The following XPO6 variants were observed in gnomAD, a reference collection of about 807,000 sequenced individuals.
XPO6 encodes the protein exportin-6.
In XPO6, 3 loss-of-function variants were observed where a neutral mutation model predicts 130.0. The observed-to-expected ratio is 0.02, with a 90% CI of 0.01 to 0.06. The LOEUF (loss-of-function observed/expected upper bound fraction) is 0.06. Ranked by LOEUF, XPO6 falls within the 10% of genes least tolerant of loss-of-function variation. XPO6 has a pLI of 1.00. For missense variants in XPO6, 970 were observed against 1,393.0 expected, an observed-to-expected ratio of 0.70 and a Z score of 4.83; for synonymous variants, 524 against 548.9, an observed-to-expected ratio of 0.95 and a Z score of 0.63.
intron 4 of XPO6, among the ~76,000 whole-genome samples, chr16:28,173,948 G>A (rs1220950434): frequency 6.6e-6 from 1 of 152,120 alleles, no homozygotes; most frequent in Non-Finnish European, 1.5e-5. Context: ...GTGACTCTCC[G>A]TCTCAAGGTC....
intron 1 of XPO6, among the ~76,000 whole-genome samples, chr16:28,211,082 A>G (rs1255217772): frequency 6.6e-6 from 1 of 152,220 alleles, no homozygotes; most frequent in African/African-American, 2.4e-5. Flanking sequence ...TAAGCCCTCA[A>G]TAAACGATAG....
intron 1 of XPO6, among the ~76,000 whole-genome samples, chr16:28,191,044 G>T (rs776655251): frequency 6.6e-6 from 1 of 152,096 alleles, no homozygotes; most frequent in South Asian, 2.1e-4. Flanking sequence ...TCCACTGGCC[G>T]GTACCCTCTA....
At chr16:28,134,326 A>T (rs2042733853) in intron 10 of XPO6, among the ~76,000 whole-genome samples, 1 of 152,182 alleles carries the variant, frequency 6.6e-6, no homozygotes, top group Admixed American at 6.5e-5. Context: ...CAGCAAACGC[A>T]TCCCCTGGTG....
chr16:28,184,593 A>C (rs1248155865), intron 1 of XPO6, among the ~76,000 whole-genome samples: 1 of 151,784 alleles, frequency 6.6e-6, no homozygotes, highest in East Asian at 1.9e-4. Context: ...AACTTCAACA[A>C]ATCAGTAAAA....
chr16:28,110,046 A>T (rs1343098837), intron 17 of XPO6, among the ~76,000 whole-genome samples: 2 of 150,118 alleles, frequency 1.3e-5, no homozygotes, highest in Non-Finnish European at 3.0e-5. Flanking sequence ...TAGGTTTGGA[A>T]TTTTTTTTTT....
chr16:28,167,983 T>G (rs548726676), intron 5 of XPO6, among the ~76,000 whole-genome samples: 18 of 152,234 alleles, frequency 1.2e-4, no homozygotes, highest in African/African-American at 4.3e-4. Context: ...CTTCTTTTTA[T>G]AGTGATGACA....
rs1047740659 is a variant in XPO6, at chr16:28,147,406, GA to G, written c.1225-1204del. Among the ~76,000 whole-genome samples the G allele has an allele frequency of 1.2e-3, 180 of 145,992 alleles. 2 individuals carry two copies. The highest frequency in any genetic ancestry group is 3.9e-4 in the Non-Finnish European group (26 of 66,492). ...AGTGAGACTCGGTGTGTATATTTTA[GA>G]AAAAAAATTAAAATAGGAAAGGAAA... On this transcript the variant is annotated intron_variant, in intron 8 of 23. Transcript: ENST00000304658.
At chr16:28,130,998 G>A (rs574356871) in intron 12 of XPO6, among the ~76,000 whole-genome samples, 5 of 152,118 alleles carry the variant, frequency 3.3e-5, no homozygotes, top group Non-Finnish European at 1.5e-5. Flanking sequence ...AATTTGAATA[G>A]TGGTCCTGAA....
At chr16:28,134,425 C>T (rs2042736720) in intron 10 of XPO6, among the ~76,000 whole-genome samples, 1 of 152,210 alleles carries the variant, frequency 6.6e-6, no homozygotes, top group Non-Finnish European at 1.5e-5. Context: ...GATTCTTATC[C>T]ATGGTGACAT....
At chr16:28,162,015 T>C (rs1457975316) in intron 6 of XPO6, among the ~76,000 whole-genome samples, 1 of 152,218 alleles carries the variant, frequency 6.6e-6, no homozygotes, top group African/African-American at 2.4e-5. Context: ...AATAATAGCA[T>C]GTGTATACCA....
Position 28,106,009 on chromosome 16 carries a change from G to C in XPO6, c.2784+34C>G. The C allele has an allele frequency of 2.5e-6, 4 of 1,591,042 alleles. No homozygotes were observed. Among genetic ancestry groups the C allele is most frequent in the Non-Finnish European group, 3.4e-6 (4 of 1,163,148 alleles). ...CATTCCCTTCCCAATCTGGAGATGG[G>C]GGGTGCTGCACAGGGGACCGTCTGA... On this transcript the variant is annotated intron_variant, in intron 20 of 23. Coordinates refer to ENST00000304658, the MANE Select transcript of XPO6 (RefSeq NM_015171.4). The surrounding 1 kb of genome is among the most constrained non-coding windows in gnomAD (Gnocchi z 4.2).
chr16:28,126,071 G>GT lies in XPO6; in HGVS notation c.1607-224dup, dbSNP rs148327205. Among the ~76,000 whole-genome samples the GT allele has an allele frequency of 4.3e-3, 658 of 152,340 alleles. 22 individuals carry two copies. In the East Asian group the frequency reaches 0.082, roughly 19 times the overall value. On this transcript the variant is annotated intron_variant, in intron 12 of 23. Coordinates refer to ENST00000304658, the MANE Select transcript of XPO6 (RefSeq NM_015171.4). ...TCCAGAGTCCAGGGACAGAGACAGA[G>GT]TTGTGGGAAGGGGCAGACAGCCTGG... is the stretch of plus-strand genomic sequence containing the variant.
At chr16:28,166,230 G>A (rs1210663035) in intron 6 of XPO6, among the ~76,000 whole-genome samples, 2 of 152,118 alleles carry the variant, frequency 1.3e-5, no homozygotes, top group South Asian at 2.1e-4. Context: ...GACGTTTCAA[G>A]CCCAAAGGCT....
At chr16:28,179,647 T>C (rs1218484633) in intron 2 of XPO6, among the ~76,000 whole-genome samples, 1 of 152,242 alleles carries the variant, frequency 6.6e-6, no homozygotes, top group Non-Finnish European at 1.5e-5. Context: ...GATTTACCTT[T>C]GCTGGAGGGT....
At chr16:28,151,087 C>T (rs553287696) in intron 8 of XPO6, among the ~76,000 whole-genome samples, 2 of 150,350 alleles carry the variant, frequency 1.3e-5, no homozygotes, top group South Asian at 4.2e-4. Flanking sequence ...GACAGCTTTC[C>T]CAACAAACCC....
At chr16:28,190,683 G>A (rs1322385147) in intron 1 of XPO6, among the ~76,000 whole-genome samples, 1 of 152,184 alleles carries the variant, frequency 6.6e-6, no homozygotes, top group Admixed American at 6.5e-5. Context: ...TAGTAGGTTA[G>A]ATCAAAGTAC....
intron 6 of XPO6, among the ~76,000 whole-genome samples, chr16:28,162,954 C>A (rs991072515): frequency 1.3e-5 from 2 of 152,170 alleles, no homozygotes; most frequent in African/African-American, 4.8e-5. Context: ...CCAACCTCAG[C>A]ACTACTGGCA....
chr16:28,100,057 C>T (rs1219611774), intron 23 of XPO6, among the ~76,000 whole-genome samples: 3 of 152,072 alleles, frequency 2.0e-5, no homozygotes, highest in African/African-American at 4.8e-5. Flanking sequence ...GCACAACCTC[C>T]GCTCACTGCA....
At position 28,106,311 on chromosome 16, in the gene XPO6, G is replaced by C; in HGVS notation, c.2612+72C>G. The C allele has an allele frequency of 1.2e-6, 2 of 1,606,698 alleles. No homozygotes were observed. The highest frequency in any genetic ancestry group is 1.7e-5 in the Admixed American group (1 of 59,738). On this transcript the variant is annotated intron_variant, in intron 19 of 23. Transcript: ENST00000304658. This position sits in a 1 kb window ranked among gnomAD's most constrained non-coding sequence, Gnocchi z 4.2. ...GGCAAGTGCAGAACAGGAGCAAAAA[G>C]CCACACTTTGTCGCCAGACCCACCA...
Sources: allele counts gnomAD v4.1 joint callset (sites outside exome capture counted in the v4.1 genomes callset), GRCh38; gene constraint gnomAD v4.1.1; non-coding constraint Gnocchi (gnomAD v3.1); transcripts MANE v1.5; gene names NCBI Gene and HGNC (gene_info 2026-07-23, HGNC 2026-07-21).